Variants in NSUN4 observed in about 807,000 individuals in gnomAD.
The protein encoded by NSUN4 is 5-cytosine rRNA methyltransferase NSUN4.
NSUN4 carries 31 observed loss-of-function variants against 43.8 expected under a neutral mutation model. That is an observed-to-expected ratio of 0.71 (90% CI 0.53 to 0.96). The LOEUF is 0.96. NSUN4 is among the 40% of genes least tolerant of loss of function. NSUN4 has a pLI of 0.00. For synonymous variants in NSUN4, 167 were observed against 184.1 expected, an observed-to-expected ratio of 0.91 and a Z score of 0.75; for missense variants, 439 against 475.6, an observed-to-expected ratio of 0.92 and a Z score of 0.72.
At chr1:46,351,542 T>G (rs952496305) in intron 3 of NSUN4, among the ~76,000 whole-genome samples, 5 of 151,966 alleles carry the variant, frequency 3.3e-5, no homozygotes, top group African/African-American at 1.2e-4. Context: ...ATAAATATTC[T>G]TGGCTGGGCA....
At chr1:46,358,650 T>G (rs1397417868) in intron 4 of NSUN4, among the ~76,000 whole-genome samples, 2 of 152,056 alleles carry the variant, frequency 1.3e-5, no homozygotes, top group African/African-American at 2.4e-5. Flanking sequence ...TCTGCCTGCC[T>G]CGGCCTCCCA....
In NSUN4 at chr1:46,356,257, G is replaced by A. The variant is rs1045005054; in HGVS notation, c.753+3229G>A. ...GGCTAATTTTTTAACTTTTTGTAGAGATGAGGTCTCACTATGTTGTCCAAG... is the reference window on the plus strand; with the variant it reads ...GGCTAATTTTTTAACTTTTTGTAGAAATGAGGTCTCACTATGTTGTCCAAG... On this transcript the variant is annotated intron_variant, in intron 4 of 5. Coordinates refer to ENST00000474844, the MANE Select transcript of NSUN4 (RefSeq NM_199044.4). Among the ~76,000 whole-genome samples, 12 of 152,198 alleles carry A rather than the reference G, an allele frequency of 7.9e-5. No individual in the cohort carries two copies. In the South Asian group the frequency reaches 2.5e-3, roughly 32 times the overall value.
intron 4 of NSUN4, among the ~76,000 whole-genome samples, chr1:46,358,041 A>G (rs751716814): frequency 5.9e-5 from 9 of 152,032 alleles, no homozygotes; most frequent in Admixed American, 3.3e-4. Flanking sequence ...CAGCCTCCCA[A>G]ATAGCTGGGA....
In NSUN4 at chr1:46,345,125, A is replaced by G. The variant is rs138645617; in HGVS notation, c.418A>G (p.Ser140Gly). The change falls in exon 2 of 6, where the codon AGT becomes GGT. Residue 140 changes from serine (S) to glycine (G), a missense_variant. By Grantham distance (56) the Ser-to-Gly change is moderately conservative (BLOSUM62 0). Coordinates refer to ENST00000474844, the MANE Select transcript of NSUN4 (RefSeq NM_199044.4). ...CTTCACTTTTGACAGAGGGGATATC[A>G]GTCGCTTCCCTCCTGCCAGGTAGGA... ...RCFTFDRGDI[S>G]RFPPARPGSL... 3,299 of 1,608,222 alleles carry G rather than the reference A, an allele frequency of 2.1e-3. 86 individuals are homozygous for G. The Admixed American group carries it at 0.051, about 25-fold the overall frequency.
At chr1:46,343,007 T>G (rs1195541076) in intron 1 of NSUN4, 1 of 399,576 alleles carries the variant, frequency 2.5e-6, no homozygotes, top group Non-Finnish European at 4.4e-6. Context: ...CTCTCAAAAG[T>G]GTTATCCCCA....
chr1:46,367,393 C>T (rs1283016090), downstream of NSUN4, among the ~76,000 whole-genome samples: 1 of 152,140 alleles, frequency 6.6e-6, no homozygotes, highest in African/African-American at 2.4e-5. Context: ...TTCACAGAAA[C>T]CCTGGGATAT....
chr1:46,353,926 C>T lies in NSUN4; in HGVS notation c.753+898C>T, dbSNP rs192335276. Among the ~76,000 whole-genome samples, 11 of 152,082 alleles carry T rather than the reference C, an allele frequency of 7.2e-5. No homozygotes were observed. The East Asian group carries it at 7.7e-4, about 11-fold the overall frequency. Reference sequence around the variant, plus strand: ...TTACATCCATTTAAGATTTTGATAGCGATTGCTAAATTTCTCTGTGGAGGT... The same window carrying T: ...TTACATCCATTTAAGATTTTGATAGTGATTGCTAAATTTCTCTGTGGAGGT... On this transcript the variant is annotated intron_variant, in intron 4 of 5. Coordinates refer to ENST00000474844, the MANE Select transcript of NSUN4 (RefSeq NM_199044.4).
the NSUN4 span, among the ~76,000 whole-genome samples, chr1:46,371,729 C>T: frequency 1.3e-5 from 2 of 151,988 alleles, no homozygotes; most frequent in Admixed American, 6.6e-5. Context: ...TGTGAGCCAC[C>T]GCGCCTGACC....
At chr1:46,357,155 T>G (rs1162356142) in intron 4 of NSUN4, among the ~76,000 whole-genome samples, 1 of 152,136 alleles carries the variant, frequency 6.6e-6, no homozygotes, top group Non-Finnish European at 1.5e-5. Flanking sequence ...TTCCTTTTCT[T>G]TCTTCTGTGA....
chr1:46,362,021 T>C lies in NSUN4; in HGVS notation c.*175T>C. On this transcript the variant is annotated 3_prime_UTR_variant, in exon 6 of 6. Transcript: ENST00000474844. Reference sequence around the variant, plus strand: ...AAGATTTGCTGTCCTGCTGTCCAATTGTGGAGCATCAGCAGGTTTCCAACT... The same window carrying C: ...AAGATTTGCTGTCCTGCTGTCCAATCGTGGAGCATCAGCAGGTTTCCAACT... 1 of 641,680 alleles carries C rather than the reference T, an allele frequency of 1.6e-6. No individual in the cohort carries two copies. The highest frequency in any genetic ancestry group is 2.7e-6 in the Non-Finnish European group (1 of 374,336). 39.7% of individuals were successfully genotyped at this position (641,680 alleles called of 1,614,324 possible). A position where few individuals can be genotyped will look rare whatever the true frequency, so the allele number is the denominator to read the frequency against.
intron 4 of NSUN4, among the ~76,000 whole-genome samples, chr1:46,356,309 G>A (rs543541052): frequency 1.1e-4 from 17 of 152,276 alleles, no homozygotes; most frequent in African/African-American, 3.4e-4. Context: ...GAGCTCAAGT[G>A]ATCCTCCTGC....
At position 46,363,486 on chromosome 1, in the gene NSUN4, T is replaced by A. The variant is rs2148424108; in HGVS notation, c.*1640T>A. The A allele has an allele frequency of 2.0e-5, 3 of 152,092 alleles. 1 individual carries two copies. Among genetic ancestry groups the A allele is most frequent in the Middle Eastern group, 6.8e-3 (2 of 294 alleles). The allele number at this position is 152,092 out of a possible 1,614,324, so 9.4% of individuals were successfully genotyped here. On this transcript the variant is annotated 3_prime_UTR_variant, in exon 6 of 6. Transcript: ENST00000474844. ...ATGAGAGGGTCCCCTGCCTCTAGAGTCATCATCTAATTGGGGACAGGCAGA... is the reference window on the plus strand; with the variant it reads ...ATGAGAGGGTCCCCTGCCTCTAGAGACATCATCTAATTGGGGACAGGCAGA...
intron 3 of NSUN4, among the ~76,000 whole-genome samples, chr1:46,349,045 C>A (rs1287277966): frequency 6.6e-6 from 1 of 151,626 alleles, no homozygotes; most frequent in African/African-American, 2.4e-5. Flanking sequence ...GAATTCCTGA[C>A]CTCGCAATCC....
intron 4 of NSUN4, among the ~76,000 whole-genome samples, chr1:46,355,000 G>A (rs918741677): frequency 2.0e-5 from 3 of 152,126 alleles, no homozygotes; most frequent in Non-Finnish European, 4.4e-5. Flanking sequence ...GAGAGCAGTG[G>A]AACATGATGG....
chr1:46,348,331 TCCTAC>T (rs1051256581), intron 3 of NSUN4, among the ~76,000 whole-genome samples: 6 of 152,242 alleles, frequency 3.9e-5, no homozygotes, highest in African/African-American at 1.4e-4. Context: ...GATGCCTGTC[TCCTAC>T]GCTCCCACAG....
chr1:46,376,354 A>C, the NSUN4 span, among the ~76,000 whole-genome samples: 1 of 151,956 alleles, frequency 6.6e-6, no homozygotes, highest in African/African-American at 2.4e-5. Context: ...AGGTTGCATA[A>C]GACAAGATCA....
intron 3 of NSUN4, among the ~76,000 whole-genome samples, chr1:46,350,560 A>G (rs917691332): frequency 2.0e-5 from 3 of 152,200 alleles, no homozygotes; most frequent in Admixed American, 6.5e-5. Context: ...TCATAGTAGC[A>G]CTAAGAGCAA....
chr1:46,341,309 C>G, intron 1 of NSUN4: 2 of 1,000,422 alleles, frequency 2.0e-6, no homozygotes, highest in Non-Finnish European at 2.4e-6. Flanking sequence ...CTCCTTTCCT[C>G]ATTGATTTTC....
At chr1:46,357,165 A>G (rs1433693939) in intron 4 of NSUN4, among the ~76,000 whole-genome samples, 1 of 152,102 alleles carries the variant, frequency 6.6e-6, no homozygotes, top group African/African-American at 2.4e-5. Flanking sequence ...TTCTTCTGTG[A>G]CTGAGTGAGA....
Sources: gnomAD v4.1 joint callset for allele counts (sites outside exome capture counted in the v4.1 genomes callset) on GRCh38, gnomAD v4.1.1 for gene constraint, MANE v1.5 for transcripts, NCBI Gene and HGNC (gene_info 2026-07-23, HGNC 2026-07-21) for gene names.